RUFY3: variants seen among roughly 807,000 people sequenced by gnomAD.
RUFY3 encodes the protein protein RUFY3.
RUFY3 carries 34 observed loss-of-function variants against 84.0 expected under a neutral mutation model. The ratio of observed to expected loss-of-function variants is 0.40; its 90% CI spans 0.31 to 0.54. The LOEUF (loss-of-function observed/expected upper bound fraction) is 0.54, where lower values mean the gene tolerates loss of function less well. RUFY3 is among the 20% of genes least tolerant of loss of function. RUFY3 has a pLI of 0.39. For missense variants in RUFY3, 507 were observed against 736.8 expected (o/e 0.69, Z 3.61); for synonymous variants, 242 against 252.9 (o/e 0.96, Z 0.41).
chr4:70,803,154 C>A, intron 16 of RUFY3, 171 bp downstream of exon 16: 1 of 511,752 alleles, frequency 2.0e-6, no homozygotes, highest in Non-Finnish European at 3.5e-6. Flanking sequence ...CAGGAAGTAG[C>A]ACAGCTTTGA....
chr4:70,792,399 A>G, intron 12 of RUFY3: 1 of 973,390 alleles, frequency 1.0e-6, no homozygotes, highest in Non-Finnish European at 1.2e-6. Context: ...ACAAAAATAG[A>G]TTCCCAGTAG....
At chr4:70,804,503 C>T (rs941510395) in intron 17 of RUFY3, 87 bp downstream of exon 17, 16 of 1,144,740 alleles carry the variant, frequency 1.4e-5, no homozygotes, top group East Asian at 2.4e-5. Context: ...GGGACTTTCC[C>T]GCATAGAGTG....
At chr4:70,759,357 TG>T (rs1429771994) in intron 1 of RUFY3, among the ~76,000 whole-genome samples, 1 of 91,374 alleles carries the variant, frequency 1.1e-5, no homozygotes, top group African/African-American at 4.5e-5. Flanking sequence ...TGGCTGAATT[TG>T]TGTGTGTGTG....
At position 70,762,528 on chromosome 4, in the gene RUFY3, A is replaced by G. The variant is rs1029765957; in HGVS notation, c.188A>G (p.Tyr63Cys). 3.7e-6 allele frequency: 6 copies of G among 1,601,746 alleles called. No homozygotes were observed. In the African/African-American group the frequency reaches 4.0e-5, roughly 11 times the overall value. ...DPEPTHEDPNYLMANERMNLM... is the reference protein window; with the variant it reads ...DPEPTHEDPNCLMANERMNLM... ...TCCCCTTTGGCTGCAGATCCTAATT[A>G]TCTCATGGCTAATGAACGCATGAAC... Residue 63 changes from tyrosine (Y) to cysteine (C), a missense_variant, in exon 2 of 18, where the codon TAT becomes TGT. Physicochemically the swap from Tyr to Cys is radical, Grantham distance 194 (BLOSUM62 -2). This residue lies in a region of RUFY3 where 133 missense variants were observed against 301.1 expected (regional missense o/e 0.44). Coordinates refer to ENST00000381006, the MANE Select transcript of RUFY3 (RefSeq NM_001037442.4).
intron 12 of RUFY3, chr4:70,792,689 T>G (rs1251128619): frequency 1.0e-6 from 1 of 984,858 alleles, no homozygotes; most frequent in East Asian, 1.1e-4. Context: ...TTAAAATTCT[T>G]TATCTTTTTC....
intron 4 of RUFY3, among the ~76,000 whole-genome samples, chr4:70,766,496 C>T (rs1339278765): frequency 6.6e-6 from 1 of 152,064 alleles, no homozygotes; most frequent in Non-Finnish European, 1.5e-5. Flanking sequence ...CCACCTGCCT[C>T]AGCCTCCCAA....
chr4:70,761,616 A>G (rs55889400), intron 1 of RUFY3, among the ~76,000 whole-genome samples: 10,680 of 152,262 alleles, frequency 0.07, 584 homozygotes, highest in East Asian at 0.2. Flanking sequence ...GGTAGCCCAC[A>G]GTGCTGGCAC....
At chr4:70,769,757 A>G (rs914522774) in intron 5 of RUFY3, among the ~76,000 whole-genome samples, 11 of 152,240 alleles carry the variant, frequency 7.2e-5, no homozygotes, top group African/African-American at 2.7e-4. Flanking sequence ...GTAATACTCT[A>G]GTAAACCATG....
At chr4:70,793,415 AT>A (rs1560567258) in intron 12 of RUFY3, 1 of 1,052,952 alleles carries the variant, frequency 9.5e-7, no homozygotes, top group Non-Finnish European at 1.1e-6. Flanking sequence ...CTATTAGGAA[AT>A]TTTTTTAAAA....
chr4:70,804,881 C>T (rs1732674266), intron 17 of RUFY3, among the ~76,000 whole-genome samples: 2 of 151,918 alleles, frequency 1.3e-5, no homozygotes, highest in Admixed American at 1.3e-4. Flanking sequence ...GCCAAGATCA[C>T]ACCATTGCAC....
At chr4:70,770,299 C>T (rs1560524860) in intron 5 of RUFY3, among the ~76,000 whole-genome samples, 3 of 152,220 alleles carry the variant, frequency 2.0e-5, no homozygotes, top group South Asian at 4.1e-4. Context: ...GACTTCTCAT[C>T]TATAGCTATG....
intron 1 of RUFY3, among the ~76,000 whole-genome samples, chr4:70,739,775 A>G (rs1055946229): frequency 2.0e-5 from 3 of 151,428 alleles, no homozygotes; most frequent in Non-Finnish European, 4.4e-5. Flanking sequence ...AAAGAAGTAC[A>G]AGAGGGGCCA....
chr4:70,768,204 T>A (rs1414542469), intron 4 of RUFY3, among the ~76,000 whole-genome samples: 2 of 152,214 alleles, frequency 1.3e-5, no homozygotes, highest in East Asian at 3.8e-4. Flanking sequence ...AGTACAAATA[T>A]GTCAGAAAAG....
chr4:70,725,321 G>T (rs1718048874), intron 1 of RUFY3, among the ~76,000 whole-genome samples: 1 of 151,042 alleles, frequency 6.6e-6, no homozygotes, highest in African/African-American at 2.4e-5. Context: ...TCTCTCTTTT[G>T]TCTTATATAC....
chr4:70,756,843 A>G (rs1360983126), intron 1 of RUFY3, among the ~76,000 whole-genome samples: 2 of 152,160 alleles, frequency 1.3e-5, no homozygotes, highest in Non-Finnish European at 2.9e-5. Context: ...AGTGCACCCA[A>G]TGTCAGAGGA....
At chr4:70,790,961 G>A (rs1262225240) in intron 12 of RUFY3, among the ~76,000 whole-genome samples, 1 of 152,164 alleles carries the variant, frequency 6.6e-6, no homozygotes, top group Non-Finnish European at 1.5e-5. Flanking sequence ...ACCTAGGAAA[G>A]ATGGTTAGGT....
At chr4:70,767,357 G>T (rs955655501) in intron 4 of RUFY3, among the ~76,000 whole-genome samples, 1 of 129,522 alleles carries the variant, frequency 7.7e-6, no homozygotes, top group Non-Finnish European at 1.6e-5. Flanking sequence ...TGATCCACCC[G>T]CCTTGACCTC....
chr4:70,715,659 G>T (rs1228566873), intron 1 of RUFY3, among the ~76,000 whole-genome samples: 1 of 147,636 alleles, frequency 6.8e-6, no homozygotes, highest in Non-Finnish European at 1.5e-5. Context: ...GGGGGAAAAT[G>T]AGATTTTTCT....
chr4:70,706,803 C>G (rs889247446), intron 1 of RUFY3, among the ~76,000 whole-genome samples: 1 of 152,228 alleles, frequency 6.6e-6, no homozygotes, highest in Non-Finnish European at 1.5e-5. Context: ...AGAAGTGAGT[C>G]TTCCTATACA....
Sources: allele counts gnomAD v4.1 joint callset (sites outside exome capture counted in the v4.1 genomes callset), GRCh38; gene constraint gnomAD v4.1.1; regional missense constraint gnomAD v4.1.1; transcripts MANE v1.5; gene names NCBI Gene and HGNC (gene_info 2026-07-23, HGNC 2026-07-21).